SGTA: variants seen among roughly 807,000 people sequenced by gnomAD.
The protein encoded by SGTA is small glutamine-rich tetratricopeptide repeat-containing protein alpha.
SGTA carries 22 observed loss-of-function variants against 44.3 expected under a neutral mutation model. That is an observed-to-expected ratio of 0.50 (90% CI 0.36 to 0.71). The LOEUF (loss-of-function observed/expected upper bound fraction) is 0.71, where lower values mean the gene tolerates loss of function less well. Ranked by LOEUF, SGTA falls within the 30% of genes least tolerant of loss-of-function variation. The probability of loss-of-function intolerance (pLI) is 0.00; values close to 1 mark genes in which losing one functional copy is unlikely to be tolerated. For synonymous variants in SGTA, 174 were observed against 177.6 expected, an observed-to-expected ratio of 0.98 and a Z score of 0.16; for missense variants, 341 against 435.9, an observed-to-expected ratio of 0.78 and a Z score of 1.94.
rs12232867 is a variant in SGTA, at chr19:2,763,491, T to C, written c.497+162A>G. Among the ~76,000 whole-genome samples the C allele has an allele frequency of 0.048, 7,304 of 152,000 alleles. 326 individuals are homozygous for C. The highest frequency in any genetic ancestry group is 0.14 in the South Asian group (681 of 4,816). On this transcript the variant is annotated intron_variant, in intron 6 of 11. Transcript: ENST00000221566. This position sits in a 1 kb window ranked among gnomAD's most constrained non-coding sequence, Gnocchi z 5.8. Reference sequence around the variant, plus strand: ...TCTGTGGGGCTGAGCCTGTGACCTGTAGGGACTACGTTGGCTCCGAACAGC... The same window carrying C: ...TCTGTGGGGCTGAGCCTGTGACCTGCAGGGACTACGTTGGCTCCGAACAGC...
chr19:2,762,470 CG>C, intron 7 of SGTA, 35 bp downstream of exon 7: 1 of 1,610,746 alleles, frequency 6.2e-7, no homozygotes, highest in Non-Finnish European at 8.5e-7. Flanking sequence ...ACAGTCAGCT[CG>C]GCGTTCTGGA....
rs962508018 is a variant in SGTA at position 2,761,513 on chromosome 19, C to T, written c.646G>A (p.Val216Met). ...LREAPSPTGGVGSFDIAGLLN... is the reference protein window; with the variant it reads ...LREAPSPTGGMGSFDIAGLLN... ...AGGCCGGCGATGTCGAAGCTGCCCA[C>T]GCCTCCCGTCTGAGGATGAGAACAG... The change falls in exon 8 of 12, where the codon GTG (valine) becomes ATG (methionine). Residue 216 changes from valine (V) to methionine (M), a missense_variant. Physicochemically the swap from Val to Met is conservative, Grantham distance 21. Transcript: ENST00000221566. The surrounding 1 kb of genome is among the most constrained non-coding windows in gnomAD (Gnocchi z 5.7). 2.1e-5 allele frequency: 33 copies of T among 1,551,450 alleles called. No individual in the cohort carries two copies. Among genetic ancestry groups the T allele is most frequent in the Non-Finnish European group, 2.8e-5 (32 of 1,146,856 alleles).
rs910324421 is a variant in SGTA, at chr19:2,783,273, T to G, written c.-64A>C. On this transcript the variant is annotated 5_prime_UTR_variant, in exon 1 of 12. Coordinates refer to ENST00000221566, the MANE Select transcript of SGTA (RefSeq NM_003021.4). ...TCCCCGACCCACCGACGGTTGCGCT[T>G]GCGCACCGCGGTGCCGCCCGGCCCC... 2 of 152,208 alleles carry G rather than the reference T, an allele frequency of 1.3e-5. No individual in the cohort carries two copies. Among genetic ancestry groups the G allele is most frequent in the African/African-American group, 4.8e-5 (2 of 41,446 alleles). 9.4% of individuals were successfully genotyped at this position (152,208 alleles called of 1,614,324 possible).
In SGTA at chr19:2,761,120, G is replaced by A. The variant is rs1376601425; in HGVS notation, c.699+340C>T. Among the ~76,000 whole-genome samples, 1 of 152,236 alleles carries A rather than the reference G, an allele frequency of 6.6e-6. No homozygotes were observed. Among genetic ancestry groups the A allele is most frequent in the Non-Finnish European group, 1.5e-5 (1 of 68,032 alleles). On this transcript the variant is annotated intron_variant, in intron 8 of 11. Coordinates refer to ENST00000221566, the MANE Select transcript of SGTA (RefSeq NM_003021.4). This position sits in a 1 kb window ranked among gnomAD's most constrained non-coding sequence, Gnocchi z 5.7. ...CAGTGTCTCTGCACTGCGAGGAGGA[G>A]CCCACGCCAGGGTGGGGTGGGGGTG...
intron 7 of SGTA, among the ~76,000 whole-genome samples, chr19:2,762,297 G>A (rs768430231): frequency 5.9e-5 from 9 of 152,154 alleles, no homozygotes; most frequent in Non-Finnish European, 1.2e-4. Context: ...GCAGCCCTGC[G>A]GCCGGCCTCC....
Position 2,755,089 on chromosome 19 carries a change from G to C in SGTA, c.*851C>G, listed in dbSNP as rs1451339765. 6.6e-6 allele frequency: 1 copy of C among 152,400 alleles called. No homozygotes were observed. The highest frequency in any genetic ancestry group is 1.5e-5 in the Non-Finnish European group (1 of 68,192). 9.4% of individuals were successfully genotyped at this position (152,400 alleles called of 1,614,324 possible). A position where few individuals can be genotyped will look rare whatever the true frequency, so the allele number is the denominator to read the frequency against. On this transcript the variant is annotated 3_prime_UTR_variant, in exon 12 of 12. Transcript: ENST00000221566. The surrounding 1 kb of genome is among the most constrained non-coding windows in gnomAD (Gnocchi z 5.2). ...CAGCACAGGAGGGGTAAGCTTCCCT[G>C]GGGGGCCCCGGGCCCATGAAACATC...
chr19:2,782,416 C>A (rs981020909), intron 1 of SGTA, among the ~76,000 whole-genome samples: 8 of 152,234 alleles, frequency 5.3e-5, no homozygotes, highest in Admixed American at 1.3e-4. Flanking sequence ...ACAAAAACAG[C>A]TATTCTCAAG....
chr19:2,775,007 C>G, intron 1 of SGTA, among the ~76,000 whole-genome samples: 1 of 152,320 alleles, frequency 6.6e-6, no homozygotes, highest in East Asian at 1.9e-4. Context: ...GTGCCCAGGA[C>G]GGCTCCATCC....
In SGTA at chr19:2,761,587, G is replaced by T; in HGVS notation, c.637-65C>A. 1.5e-6 allele frequency: 2 copies of T among 1,357,874 alleles called. No individual in the cohort carries two copies. The highest frequency in any genetic ancestry group is 1.2e-5 in the South Asian group (1 of 80,548). 84.1% of individuals were successfully genotyped at this position (1,357,874 alleles called of 1,614,324 possible). ...AGAGGCCACGGTGAATAACCCCCTG[G>T]AACTCAGAAACAACGGCCCCCCACG... On this transcript the variant is annotated intron_variant, in intron 7 of 11. Transcript: ENST00000221566. The surrounding 1 kb of genome is among the most constrained non-coding windows in gnomAD (Gnocchi z 5.7).
intron 1 of SGTA, among the ~76,000 whole-genome samples, chr19:2,779,028 G>C (rs573577687): frequency 6.6e-6 from 1 of 152,146 alleles, no homozygotes; most frequent in African/African-American, 2.4e-5. Flanking sequence ...GCAGGGGGCT[G>C]AGCAGCACCC....
rs1915316698 is a variant in SGTA, at chr19:2,771,760, G to A, written c.-23-2669C>T. ...GAGCATTTGGAGAACCTGCTCTGAG[G>A]CCAGAAGCAGGCATGGAGAGGGGTT... On this transcript the variant is annotated intron_variant, in intron 1 of 11. Transcript: ENST00000221566. Among the ~76,000 whole-genome samples, 5 of 152,382 alleles carry A rather than the reference G, an allele frequency of 3.3e-5. No individual in the cohort carries two copies. In the South Asian group the frequency reaches 1.0e-3, roughly 32 times the overall value.
At chr19:2,776,269 C>T (rs1178819806) in intron 1 of SGTA, among the ~76,000 whole-genome samples, 3 of 152,218 alleles carry the variant, frequency 2.0e-5, no homozygotes, top group Non-Finnish European at 4.4e-5. Flanking sequence ...GTTTTGACAA[C>T]AGCATTACAA....
chr19:2,777,577 T>A (rs1915471113), intron 1 of SGTA: 1 of 152,086 alleles, frequency 6.6e-6, no homozygotes, highest in South Asian at 2.1e-4. Flanking sequence ...CTTCAAAGTC[T>A]GGGGTCTTTG....
chr19:2,764,846 C>T (rs543391054), intron 5 of SGTA, among the ~76,000 whole-genome samples: 12 of 152,258 alleles, frequency 7.9e-5, no homozygotes, highest in African/African-American at 1.9e-4. Context: ...GAATTACAGA[C>T]GTGAGCCACC....
intron 1 of SGTA, among the ~76,000 whole-genome samples, chr19:2,772,398 A>G (rs1915333764): frequency 6.6e-6 from 1 of 152,186 alleles, no homozygotes; most frequent in Non-Finnish European, 1.5e-5. Flanking sequence ...CTGACCCAGC[A>G]CCCAGGAGGC....
chr19:2,776,205 C>T (rs777616144), intron 1 of SGTA, among the ~76,000 whole-genome samples: 5 of 152,176 alleles, frequency 3.3e-5, no homozygotes, highest in African/African-American at 4.8e-5. Flanking sequence ...ACATGCCACC[C>T]GAAAGGTGAA....
rs189254152 is a variant in SGTA at position 2,769,663 on chromosome 19, C to T, written c.-23-572G>A. 2.0e-3 allele frequency among the ~76,000 whole-genome samples: 304 copies of T among 152,296 alleles called. 2 individuals carry two copies. The highest frequency in any genetic ancestry group is 2.3e-3 in the Non-Finnish European group (157 of 67,996). ...TGGTATCACTGTTTCACAGGACTTG[C>T]AGAGGACTCCCCCCAGGGACTTCTT... is the stretch of plus-strand genomic sequence containing the variant. On this transcript the variant is annotated intron_variant, in intron 1 of 11. Transcript: ENST00000221566.
chr19:2,771,799 C>T (rs1000788551), intron 1 of SGTA, among the ~76,000 whole-genome samples: 9 of 152,352 alleles, frequency 5.9e-5, no homozygotes, highest in Non-Finnish European at 1.2e-4. Flanking sequence ...GTGGTGCTGG[C>T]GCATGGAGGG....
In SGTA at chr19:2,765,319, C is replaced by T. The variant is rs1478093336; in HGVS notation, c.293-34G>A. On this transcript the variant is annotated intron_variant, in intron 4 of 11. Coordinates refer to ENST00000221566, the MANE Select transcript of SGTA (RefSeq NM_003021.4). This position sits in a 1 kb window ranked among gnomAD's most constrained non-coding sequence, Gnocchi z 5.5. ...AGAGAGGAAAACACCGGCCCGGTGT[C>T]CACACAGACCGGAGGGGGTGTCAGG... 1 of 1,499,274 alleles carries T rather than the reference C, an allele frequency of 6.7e-7. No individual in the cohort carries two copies. Among genetic ancestry groups the T allele is most frequent in the African/African-American group, 1.4e-5 (1 of 72,908 alleles). 92.9% of individuals were successfully genotyped at this position (1,499,274 alleles called of 1,614,324 possible).
Sources: allele counts gnomAD v4.1 joint callset (sites outside exome capture counted in the v4.1 genomes callset), GRCh38; gene constraint gnomAD v4.1.1; non-coding constraint Gnocchi (gnomAD v3.1); transcripts MANE v1.5; gene names NCBI Gene and HGNC (gene_info 2026-07-23, HGNC 2026-07-21).